Variants in ZNF44 observed in about 807,000 individuals in gnomAD.
The protein encoded by ZNF44 is gonadotropin inducible transcription repressor-2.
Under a neutral mutation model 11.7 loss-of-function variants are expected in ZNF44, and 9 were observed. The ratio of observed to expected loss-of-function variants is 0.77; its 90% CI spans 0.46 to 1.35. ZNF44 has a LOEUF of 1.35. Ranked by LOEUF, ZNF44 falls within the 40% of genes most tolerant of loss-of-function variation. The probability of loss-of-function intolerance (pLI) is 0.00; values close to 1 mark genes in which losing one functional copy is unlikely to be tolerated. For synonymous variants in ZNF44, 224 were observed against 242.7 expected, an observed-to-expected ratio of 0.92 and a Z score of 0.72; for missense variants, 696 against 743.1, an observed-to-expected ratio of 0.94 and a Z score of 0.74.
intron 1 of ZNF44, among the ~76,000 whole-genome samples, chr19:12,281,128 C>A (rs532438489): frequency 6.6e-6 from 1 of 152,294 alleles, no homozygotes; most frequent in African/African-American, 2.4e-5. Flanking sequence ...TAGAATCATT[C>A]ATTCAACAAC....
At chr19:12,269,755 C>G (rs772068401), downstream of ZNF44, among the ~76,000 whole-genome samples, 7 of 152,150 alleles carry the variant, frequency 4.6e-5, no homozygotes, top group Non-Finnish European at 1.0e-4. Flanking sequence ...TCCCAAATTA[C>G]TTACATTATG....
chr19:12,272,699 A>C lies in ZNF44; in HGVS notation c.1556T>G (p.Leu519Ter). 1 of 1,613,584 alleles carries C rather than the reference A, an allele frequency of 6.2e-7. No homozygotes were observed. The highest frequency in any genetic ancestry group is 8.5e-7 in the Non-Finnish European group (1 of 1,179,664). ...CGKAFSRFSY[L>*]KTHERTHTAE... ...CGTGTGAGTCCTTTCATGAGTTTTTAAGTAACTGAAACGACTGAAGGCTTT... is the reference window on the plus strand; with the variant it reads ...CGTGTGAGTCCTTTCATGAGTTTTTCAGTAACTGAAACGACTGAAGGCTTT... Residue 519 changes from leucine (L) to a stop codon, truncating the protein, a stop_gained, in exon 4 of 4, where the codon TTA (leucine) becomes TGA (stop). Coordinates refer to ENST00000355684, the MANE Select transcript of ZNF44 (RefSeq NM_016264.4). LOFTEE classifies it low-confidence loss of function (END_TRUNC).
chr19:12,267,872 T>C (rs576792504), downstream of ZNF44, among the ~76,000 whole-genome samples: 1 of 151,416 alleles, frequency 6.6e-6, no homozygotes, highest in Non-Finnish European at 1.5e-5. Flanking sequence ...AGTCTTGCTC[T>C]GTCAACCAGG....
intron 1 of ZNF44, among the ~76,000 whole-genome samples, chr19:12,235,356 G>A (rs2438545): frequency 0.069 from 10,464 of 152,144 alleles, 1,220 homozygotes; most frequent in African/African-American, 0.24. Flanking sequence ...GCGAAAGAGC[G>A]AGACTCCGTC....
At chr19:12,277,653 A>G (rs1967288449) in intron 1 of ZNF44, among the ~76,000 whole-genome samples, 1 of 152,206 alleles carries the variant, frequency 6.6e-6, no homozygotes, top group Non-Finnish European at 1.5e-5. Context: ...AATGATAGAA[A>G]AGCCTTGTAT....
At chr19:12,269,410 T>C (rs1264365858), downstream of ZNF44, among the ~76,000 whole-genome samples, 1 of 152,074 alleles carries the variant, frequency 6.6e-6, no homozygotes, top group Admixed American at 6.6e-5. Flanking sequence ...TAATCCCAGC[T>C]ACTCGGGAGG....
chr19:12,248,224 C>T (rs1388167487), exon 8 of ZNF44: 7 of 1,304,972 alleles, frequency 5.4e-6, no homozygotes, highest in Admixed American at 2.2e-5. Flanking sequence ...TGAGCCTTTT[C>T]ATGTTTTTGA....
Position 12,289,578 on chromosome 19 carries a change from C to T in ZNF44, c.3+5114G>A, listed in dbSNP as rs146137156. ...ACAACTTTCCACCTAAGCTTTAAGACGCTTTCAGATCTTATACTTAGTGCT... is the reference window on the plus strand; with the variant it reads ...ACAACTTTCCACCTAAGCTTTAAGATGCTTTCAGATCTTATACTTAGTGCT... On this transcript the variant is annotated intron_variant, in intron 1 of 3. Coordinates refer to ENST00000355684, the MANE Select transcript of ZNF44 (RefSeq NM_016264.4). Among the ~76,000 whole-genome samples the T allele has an allele frequency of 1.1e-4, 16 of 151,856 alleles. 2 individuals are homozygous for T. The highest frequency in any genetic ancestry group is 3.1e-4 in the African/African-American group (13 of 41,388).
At chr19:12,257,310 A>G (rs537493819) in intron 5 of ZNF44, among the ~76,000 whole-genome samples, 3 of 152,296 alleles carry the variant, frequency 2.0e-5, no homozygotes, top group East Asian at 3.9e-4. Flanking sequence ...TTGGGATTAC[A>G]GCAGTAAATT....
chr19:12,260,149 G>T, intron 5 of ZNF44: 1 of 750,834 alleles, frequency 1.3e-6, no homozygotes, highest in Non-Finnish European at 2.5e-6. Context: ...TGCAATGGAT[G>T]GTCGTGCAGA....
chr19:12,246,951 G>A (rs1916783197), downstream of ZNF44, among the ~76,000 whole-genome samples: 4 of 151,714 alleles, frequency 2.6e-5, no homozygotes, highest in African/African-American at 7.3e-5. Flanking sequence ...AGGATTACTT[G>A]AGGTCAGGGG....
chr19:12,237,961 C>G (rs920420576), upstream of ZNF44: 1 of 152,332 alleles, frequency 6.6e-6, no homozygotes, highest in African/African-American at 2.4e-5. Flanking sequence ...CAGTTCCACA[C>G]TCCGTGTCCA....
downstream of ZNF44, among the ~76,000 whole-genome samples, chr19:12,269,575 C>T (rs1966892889): frequency 6.6e-6 from 1 of 152,110 alleles, no homozygotes; most frequent in Admixed American, 6.6e-5. Flanking sequence ...GTTCCCCAGG[C>T]TGGTCTTGAA....
At position 12,292,868 on chromosome 19, in the gene ZNF44, T is replaced by G. The variant is rs557008625; in HGVS notation, c.3+1824A>C. ...CCCAGAGGTTAGGTTTTTTTTTTTT[T>G]TTTTTTTTTTTTGAGACAGAGTTTC... On this transcript the variant is annotated intron_variant, in intron 1 of 3. Coordinates refer to ENST00000355684, the MANE Select transcript of ZNF44 (RefSeq NM_016264.4). Among the ~76,000 whole-genome samples the G allele has an allele frequency of 8.5e-5, 9 of 106,052 alleles. No homozygotes were observed. The East Asian group carries it at 8.6e-4, about 10-fold the overall frequency. 69.6% of individuals were successfully genotyped at this position (106,052 alleles called of 152,430 possible).
At chr19:12,232,046 G>A (rs575587738) in intron 2 of ZNF44, among the ~76,000 whole-genome samples, 7 of 152,332 alleles carry the variant, frequency 4.6e-5, no homozygotes, top group East Asian at 3.9e-4. Flanking sequence ...ATGTGTCAGC[G>A]TCACAAGACA....
At chr19:12,264,387 T>G (rs1324332217) in intron 5 of ZNF44, among the ~76,000 whole-genome samples, 1 of 152,216 alleles carries the variant, frequency 6.6e-6, no homozygotes, top group Non-Finnish European at 1.5e-5. Context: ...TGGCCTTACC[T>G]TCTAGTCACT....
intron 1 of ZNF44, among the ~76,000 whole-genome samples, chr19:12,236,414 A>C (rs1338011278): frequency 6.6e-6 from 1 of 152,248 alleles, no homozygotes; most frequent in Admixed American, 6.5e-5. Context: ...ACCAATTTAG[A>C]GGAAAATGAA....
At position 12,276,000 on chromosome 19, in the gene ZNF44, T is replaced by C; in HGVS notation, c.86A>G (p.Tyr29Cys). 2 of 1,609,436 alleles carry C rather than the reference T, an allele frequency of 1.2e-6. No homozygotes were observed. Among genetic ancestry groups the C allele is most frequent in the Middle Eastern group, 1.7e-4 (1 of 6,012 alleles). Reference sequence around the variant, plus strand: ...AATGGTTTCTCGCATCACATCTCTGTAGAGATTCTTCTGTGATGGACCCAG... The same window carrying C: ...AATGGTTTCTCGCATCACATCTCTGCAGAGATTCTTCTGTGATGGACCCAG... ...ALLGPSQKNL[Y>C]RDVMRETIRN... The change falls in exon 2 of 4, where the codon TAC becomes TGC. Residue 29 changes from tyrosine to cysteine, a missense_variant. By Grantham distance (194) the Tyr-to-Cys change is radical (BLOSUM62 -2). Transcript: ENST00000355684.
chr19:12,227,718 G>A (rs1915979369), intron 3 of ZNF44, among the ~76,000 whole-genome samples: 1 of 152,148 alleles, frequency 6.6e-6, no homozygotes, highest in South Asian at 2.1e-4. Flanking sequence ...TACTTATAAG[G>A]TACACTAAGA....
Sources: allele counts gnomAD v4.1 joint callset (sites outside exome capture counted in the v4.1 genomes callset), GRCh38; gene constraint gnomAD v4.1.1; transcripts MANE v1.5; gene names NCBI Gene and HGNC (gene_info 2026-07-23, HGNC 2026-07-21).